The following LEF1 variants were observed in gnomAD, a reference collection of about 807,000 sequenced individuals.
LEF1 encodes lymphoid enhancer-binding factor 1.
Under a neutral mutation model 51.2 loss-of-function variants are expected in LEF1, and 14 were observed. The ratio of observed to expected loss-of-function variants is 0.27; its 90% CI spans 0.18 to 0.43. LEF1 has a LOEUF of 0.43. LEF1 is among the 20% of genes least tolerant of loss of function. LEF1 has a pLI of 1.00. For missense variants in LEF1, 386 were observed against 512.0 expected (o/e 0.75, Z 2.37); for synonymous variants, 185 against 183.2 (o/e 1.01, Z -0.08).
chr4:108,166,946 C>G (rs867144506), intron 1 of LEF1: 3 of 469,632 alleles, frequency 6.4e-6, no homozygotes, highest in African/African-American at 4.2e-5. Context: ...GACTGAACCC[C>G]GCACCGCCCC....
At chr4:108,099,570 G>GTATATATATATATA (rs551521155) in intron 3 of LEF1, among the ~76,000 whole-genome samples, 1 of 70,194 alleles carries the variant, frequency 1.4e-5, no homozygotes, top group Non-Finnish European at 2.9e-5. Context: ...GTGTGTGTGT[G>GTATATATATATATA]TATATATATA....
intron 9 of LEF1, among the ~76,000 whole-genome samples, chr4:108,069,926 C>G (rs890841921): frequency 1.1e-4 from 16 of 149,990 alleles, no homozygotes; most frequent in African/African-American, 3.9e-4. Context: ...CCACCGCACT[C>G]CAGCCTGGGC....
At chr4:108,081,285 C>T (rs1045082867) in intron 6 of LEF1, among the ~76,000 whole-genome samples, 6 of 152,148 alleles carry the variant, frequency 3.9e-5, no homozygotes, top group Admixed American at 3.3e-4. Context: ...TTGTAATGTC[C>T]GCTTTCCGGA....
chr4:108,082,127 A>C (rs1266762321), intron 5 of LEF1, among the ~76,000 whole-genome samples: 1 of 152,224 alleles, frequency 6.6e-6, no homozygotes, highest in Non-Finnish European at 1.5e-5. Context: ...AAACATTTTA[A>C]AAACACTGTA....
intron 3 of LEF1, among the ~76,000 whole-genome samples, chr4:108,130,933 A>G (rs1742840676): frequency 6.6e-6 from 1 of 152,144 alleles, no homozygotes; most frequent in African/African-American, 2.4e-5. Context: ...AAGGTGCTAA[A>G]GAGAAATATT....
At chr4:108,066,739 G>A (rs1738106639) in intron 9 of LEF1, among the ~76,000 whole-genome samples, 1 of 152,024 alleles carries the variant, frequency 6.6e-6, no homozygotes, top group South Asian at 2.1e-4. Flanking sequence ...ATTCATGTAT[G>A]GTAAAAACAA....
intron 3 of LEF1, among the ~76,000 whole-genome samples, chr4:108,096,985 G>A (rs1740436132): frequency 6.6e-6 from 1 of 152,168 alleles, no homozygotes; most frequent in South Asian, 2.1e-4. Context: ...TTTGTACACT[G>A]CTGGTGGAAA....
intron 3 of LEF1, among the ~76,000 whole-genome samples, chr4:108,144,865 C>CAAAAAAAAAAAA (rs11394687): frequency 1.2e-4 from 5 of 41,922 alleles, no homozygotes; most frequent in Non-Finnish European, 1.6e-4. Flanking sequence ...CCCAACCAGC[C>CAAAAAAAAAAAA]AAAAAAAAAA....
chr4:108,089,070 G>C, intron 4 of LEF1, 55 bp downstream of exon 4: 13 of 1,607,880 alleles, frequency 8.1e-6, no homozygotes, highest in Non-Finnish European at 1.1e-5. Flanking sequence ...AGGCTGATGA[G>C]ATTTGGCTCT....
At chr4:108,094,771 T>C (rs1265600128) in intron 3 of LEF1, among the ~76,000 whole-genome samples, 2 of 152,236 alleles carry the variant, frequency 1.3e-5, no homozygotes, top group African/African-American at 4.8e-5. Context: ...CCAGGGGAAT[T>C]TTAACACTTC....
rs200668771 is a variant in LEF1 at position 108,167,811 on chromosome 4, G to C, written c.-44C>G. On this transcript the variant is annotated 5_prime_UTR_variant, in exon 1 of 12. Coordinates refer to ENST00000265165, the MANE Select transcript of LEF1 (RefSeq NM_016269.5). The surrounding 1 kb of genome is among the most constrained non-coding windows in gnomAD (Gnocchi z 5.7). ...TCCGCTCCGCTGTGGGAGCACCCGC[G>C]CAACAGCAGGAAAGACAGAGGGGTA... is the stretch of plus-strand genomic sequence containing the variant. 1,650 of 1,550,388 alleles carry C rather than the reference G, an allele frequency of 1.1e-3. 5 individuals carry two copies. In the Middle Eastern group the frequency reaches 0.015, roughly 14 times the overall value.
rs200372286 is a variant in LEF1 at position 108,083,483 on chromosome 4, C to T, written c.548-37G>A. ...AACAGAGAGGTATCATTTACAGATT[C>T]ACAGGATATTTAACCAGAAATGCAA... On this transcript the variant is annotated intron_variant, in intron 4 of 11. Coordinates refer to ENST00000265165, the MANE Select transcript of LEF1 (RefSeq NM_016269.5). 253 of 1,366,470 alleles carry T rather than the reference C, an allele frequency of 1.9e-4. 1 individual carries two copies. The East Asian group carries it at 5.8e-3, about 31-fold the overall frequency. The allele number at this position is 1,366,470 out of a possible 1,614,324, so 84.6% of individuals were successfully genotyped here.
At chr4:108,111,321 T>C (rs1370155464) in intron 3 of LEF1, among the ~76,000 whole-genome samples, 4 of 152,172 alleles carry the variant, frequency 2.6e-5, no homozygotes, top group East Asian at 1.9e-4. Flanking sequence ...TCTCAGCACA[T>C]TGGCCTGTAG....
intron 3 of LEF1, among the ~76,000 whole-genome samples, chr4:108,157,601 G>T (rs548304674): frequency 9.8e-5 from 15 of 152,314 alleles, no homozygotes; most frequent in Middle Eastern, 6.8e-3. Flanking sequence ...GCTTTTTAAA[G>T]ATTCTACTTG....
intron 3 of LEF1, among the ~76,000 whole-genome samples, chr4:108,146,203 A>C (rs1402991423): frequency 1.3e-5 from 2 of 152,244 alleles, no homozygotes; most frequent in Non-Finnish European, 2.9e-5. Flanking sequence ...TGACTTTAAA[A>C]CACTAAATGT....
intron 3 of LEF1, among the ~76,000 whole-genome samples, chr4:108,131,759 T>C (rs1176096387): frequency 1.3e-5 from 2 of 152,190 alleles, no homozygotes; most frequent in Non-Finnish European, 2.9e-5. Flanking sequence ...CCTGCCTTTA[T>C]GCAGCTTATT....
At chr4:108,073,826 C>G (rs534264850) in intron 8 of LEF1, among the ~76,000 whole-genome samples, 11 of 86,756 alleles carry the variant, frequency 1.3e-4, no homozygotes, top group African/African-American at 1.7e-4. Flanking sequence ...TCTGATAACC[C>G]CCCCCCCTTT....
chr4:108,153,592 T>C (rs1326546773), intron 3 of LEF1, among the ~76,000 whole-genome samples: 1 of 152,206 alleles, frequency 6.6e-6, no homozygotes, highest in Non-Finnish European at 1.5e-5. Context: ...TATAAACATG[T>C]TTTTAAGATT....
intron 3 of LEF1, among the ~76,000 whole-genome samples, chr4:108,140,298 CT>C (rs1417644013): frequency 6.6e-6 from 1 of 152,158 alleles, no homozygotes. Context: ...AACCCTAAAA[CT>C]TTTTGATAAG....
Sources: gnomAD v4.1 joint callset for allele counts (sites outside exome capture counted in the v4.1 genomes callset) on GRCh38, gnomAD v4.1.1 for gene constraint, Gnocchi (gnomAD v3.1) non-coding constraint, MANE v1.5 for transcripts, NCBI Gene and HGNC (gene_info 2026-07-23, HGNC 2026-07-21) for gene names.